AFF2: variants seen among roughly 807,000 people sequenced by gnomAD.
The protein encoded by AFF2 is ALF transcription elongation factor 2, also known as AF4/FMR2 family member 2.
In AFF2, 14 loss-of-function variants were observed where a neutral mutation model predicts 76.9. The observed-to-expected ratio is 0.18, with a 90% CI of 0.12 to 0.28. The LOEUF (loss-of-function observed/expected upper bound fraction) is 0.28. Among genes scored for constraint, AFF2 ranks in the 10% least tolerant of loss-of-function variants. AFF2 has a pLI of 1.00. For synonymous variants in AFF2, 398 were observed against 366.7 expected (o/e 1.09, Z -0.98); for missense variants, 868 against 1,001.1 (o/e 0.87, Z 1.79).
chrX:148,869,296 G>C (rs1371652070), intron 7 of AFF2, among the ~76,000 whole-genome samples: 4 of 111,788 alleles, frequency 3.6e-5, no homozygotes, highest in Non-Finnish European at 7.5e-5. Flanking sequence ...TCCTGAACTA[G>C]ATCATGGTGA....
rs782779717 is a variant in AFF2 at position 148,962,930 on chromosome X, C to T, written c.2906C>T (p.Ser969Leu). The T allele has an allele frequency of 1.6e-5, 19 of 1,160,768 alleles. No homozygotes were observed. Among genetic ancestry groups the T allele is most frequent in the Admixed American group, 2.2e-5 (1 of 45,541 alleles). Reference sequence around the variant, plus strand: ...TTCTGTGCTACTTTCAAAGGGATATCGGTAAATGTAAGCATCTTGGAAGAA... The same window carrying T: ...TTCTGTGCTACTTTCAAAGGGATATTGGTAAATGTAAGCATCTTGGAAGAA... Reference protein sequence around the residue: ...GKFCATFKGISVNEGDTPKKA... With the variant: ...GKFCATFKGILVNEGDTPKKA... The change falls in exon 13 of 21, where the codon TCG (serine) becomes TTG (leucine). Residue 969 changes from serine to leucine, a missense_variant. Physicochemically the swap from Ser to Leu is moderately radical, Grantham distance 145. This residue lies in a region of AFF2 where 532 missense variants were observed against 564.2 expected (regional missense o/e 0.94). Transcript: ENST00000370460.
chrX:148,581,454 G>C (rs1432765958), intron 1 of AFF2, among the ~76,000 whole-genome samples: 1 of 75,085 alleles, frequency 1.3e-5, no homozygotes, highest in African/African-American at 5.2e-5. Context: ...ATACGTATAC[G>C]TCTACGTGTA....
chrX:148,997,284 T>TACACACACACACACAC lies in AFF2; in HGVS notation c.*5953_*5968dup, dbSNP rs781923309. 3 of 106,403 alleles carry TACACACACACACACAC rather than the reference T, an allele frequency of 2.8e-5. No homozygotes were observed. Among genetic ancestry groups the TACACACACACACACAC allele is most frequent in the African/African-American group, 1.1e-4 (3 of 26,867 alleles). 8.8% of individuals were successfully genotyped at this position (106,403 alleles called of 1,213,427 possible). A position where few individuals can be genotyped will look rare whatever the true frequency, so the allele number is the denominator to read the frequency against. ...AGTATATAATGAGGCTTTCATTAAA[T>TACACACACACACACAC]ACACACACACACACACTCACACACA... On this transcript the variant is annotated 3_prime_UTR_variant, in exon 21 of 21. Coordinates refer to ENST00000370460, the MANE Select transcript of AFF2 (RefSeq NM_002025.4).
At chrX:148,792,694 CCTGAAGGT>C (rs2069914143) in intron 3 of AFF2, among the ~76,000 whole-genome samples, 1 of 112,039 alleles carries the variant, frequency 8.9e-6, no homozygotes, top group South Asian at 3.7e-4. Flanking sequence ...ATGGACTAAG[CCTGAAGGT>C]TACTGTTAGG....
chrX:148,513,215 G>A (rs2052500969), intron 1 of AFF2, among the ~76,000 whole-genome samples: 1 of 111,885 alleles, frequency 8.9e-6, no homozygotes, highest in Non-Finnish European at 1.9e-5. Context: ...TGAAAATGTG[G>A]GGATCACCAA....
At position 148,663,056 on chromosome X, in the gene AFF2, G is replaced by T. The variant is rs186829682; in HGVS notation, c.1041+288G>T. ...AATAGTTTCATAAAATACAGTTGTG[G>T]TAATACTATGTATAAATTAATAACA... On this transcript the variant is annotated intron_variant, in intron 3 of 20. Transcript: ENST00000370460. Among the ~76,000 whole-genome samples, 9 of 112,274 alleles carry T rather than the reference G, an allele frequency of 8.0e-5. No homozygotes were observed. In the East Asian group the frequency reaches 2.5e-3, roughly 31 times the overall value.
chrX:148,690,087 C>G (rs1557260637), intron 3 of AFF2, among the ~76,000 whole-genome samples: 1 of 111,930 alleles, frequency 8.9e-6, no homozygotes, highest in Non-Finnish European at 1.9e-5. Flanking sequence ...TATGGAAGGC[C>G]TGTTTGAACT....
intron 4 of AFF2, among the ~76,000 whole-genome samples, chrX:148,829,420 T>A (rs1387539553): frequency 9.0e-6 from 1 of 111,461 alleles, no homozygotes; most frequent in Non-Finnish European, 1.9e-5. Context: ...CCTAGGAAAG[T>A]CTATGGTTCC....
chrX:148,706,204 T>C (rs1188292650), intron 3 of AFF2, among the ~76,000 whole-genome samples: 5 of 112,244 alleles, frequency 4.5e-5, no homozygotes, highest in African/African-American at 1.6e-4. Flanking sequence ...AAAATTGCAT[T>C]TTCAGAGGTG....
chrX:148,866,125 G>A (rs782768005), intron 7 of AFF2, among the ~76,000 whole-genome samples: 1 of 111,669 alleles, frequency 9.0e-6, no homozygotes, highest in Non-Finnish European at 1.9e-5. Context: ...GATAAGGGGA[G>A]AGCAATGTAG....
chrX:148,524,037 T>G (rs1350220249), intron 1 of AFF2, among the ~76,000 whole-genome samples: 1 of 109,940 alleles, frequency 9.1e-6, no homozygotes, highest in East Asian at 2.9e-4. Flanking sequence ...CCACTTAAAC[T>G]TACTGTTAGC....
intron 3 of AFF2, among the ~76,000 whole-genome samples, chrX:148,702,670 A>T (rs1274635057): frequency 9.0e-6 from 1 of 111,533 alleles, no homozygotes; most frequent in Non-Finnish European, 1.9e-5. Context: ...TCACTTCTAC[A>T]CTTAAGCGAA....
At chrX:148,954,941 G>A (rs1365867509) in intron 10 of AFF2, among the ~76,000 whole-genome samples, 1 of 112,642 alleles carries the variant, frequency 8.9e-6, no homozygotes, top group Non-Finnish European at 1.9e-5. Context: ...GACCCGAATA[G>A]TATGTATCAT....
At chrX:148,651,911 T>C in intron 1 of AFF2, 88 bp from the exon 2 acceptor site, 1 of 921,664 alleles carries the variant, frequency 1.1e-6, no homozygotes, top group Non-Finnish European at 1.5e-6. Flanking sequence ...CTTGAATTTT[T>C]TTCTTATTAT....
intron 7 of AFF2, among the ~76,000 whole-genome samples, chrX:148,876,513 A>G (rs1352417131): frequency 8.9e-6 from 1 of 112,078 alleles, no homozygotes; most frequent in Non-Finnish European, 1.9e-5. Flanking sequence ...GCATGCATGC[A>G]TCACCCCAGC....
rs1428341147 is a variant in AFF2, at chrX:148,997,112, C to G, written c.*5780C>G. ...AACATTTGTTTTTAGTTAAAAGTATCTACTTACTGTTTTAGCTCTGAACTC... is the reference window on the plus strand; with the variant it reads ...AACATTTGTTTTTAGTTAAAAGTATGTACTTACTGTTTTAGCTCTGAACTC... On this transcript the variant is annotated 3_prime_UTR_variant, in exon 21 of 21. Coordinates refer to ENST00000370460, the MANE Select transcript of AFF2 (RefSeq NM_002025.4). 8.9e-6 allele frequency: 1 copy of G among 112,032 alleles called. No homozygotes were observed. The highest frequency in any genetic ancestry group is 3.3e-5 in the African/African-American group (1 of 30,745). The allele number at this position is 112,032 out of a possible 1,213,427, so 9.2% of individuals were successfully genotyped here.
intron 3 of AFF2, among the ~76,000 whole-genome samples, chrX:148,709,624 T>G (rs782717914): frequency 5.3e-5 from 6 of 112,333 alleles, no homozygotes; most frequent in African/African-American, 1.9e-4. Context: ...GAGGATTTGC[T>G]TTTTACAATG....
chrX:148,576,191 CA>C (rs1287789529), intron 1 of AFF2, among the ~76,000 whole-genome samples: 2 of 111,732 alleles, frequency 1.8e-5, no homozygotes, highest in Non-Finnish European at 3.8e-5. Context: ...TGCTTTGCTG[CA>C]GTTTGTCTTA....
At chrX:148,568,890 T>C (rs1228017352) in intron 1 of AFF2, among the ~76,000 whole-genome samples, 1 of 111,246 alleles carries the variant, frequency 9.0e-6, no homozygotes, top group African/African-American at 3.3e-5. Flanking sequence ...GATTATGAAA[T>C]AAAAGGAGCA....
Sources: gnomAD v4.1 joint callset for allele counts (sites outside exome capture counted in the v4.1 genomes callset) on GRCh38, gnomAD v4.1.1 for gene constraint, gnomAD v4.1.1 regional missense constraint, MANE v1.5 for transcripts, NCBI Gene and HGNC (gene_info 2026-07-23, HGNC 2026-07-21) for gene names.